Variants in GALNT18 observed in about 807,000 individuals in gnomAD.
The protein encoded by GALNT18 is GalNAc-transferase 18.
GALNT18 carries 44 observed loss-of-function variants against 69.5 expected under a neutral mutation model. That is an observed-to-expected ratio of 0.63 (90% CI 0.50 to 0.81). GALNT18 has a LOEUF of 0.81. Ranked by LOEUF, GALNT18 falls within the 40% of genes least tolerant of loss-of-function variation. The pLI is 0.00. For synonymous variants in GALNT18, 364 were observed against 318.2 expected (o/e 1.14, Z -1.53); for missense variants, 715 against 810.0 (o/e 0.88, Z 1.42).
At chr11:11,405,138 C>A (rs142910944) in intron 3 of GALNT18, among the ~76,000 whole-genome samples, 67 of 152,288 alleles carry the variant, frequency 4.4e-4, no homozygotes, top group Non-Finnish European at 8.8e-4. Context: ...ATGGCCTCCA[C>A]TCTTATTTCT....
intron 3 of GALNT18, among the ~76,000 whole-genome samples, chr11:11,423,872 A>G (rs1028989159): frequency 1.2e-4 from 18 of 152,342 alleles, no homozygotes; most frequent in Middle Eastern, 3.4e-3. Flanking sequence ...CCACCATCAT[A>G]TGGCACTGAT....
chr11:11,473,669 CA>C (rs755869589), intron 1 of GALNT18, among the ~76,000 whole-genome samples: 4 of 73,202 alleles, frequency 5.5e-5, no homozygotes, highest in South Asian at 1.1e-3. Flanking sequence ...TGTATGCACA[CA>C]GGGGGAGAGA....
rs1410706225 is a variant in GALNT18 at position 11,606,945 on chromosome 11, GA to G, written c.235+14413del. Among the ~76,000 whole-genome samples the G allele has an allele frequency of 6.6e-6, 1 of 152,206 alleles. No homozygotes were observed. The highest frequency in any genetic ancestry group is 1.5e-5 in the Non-Finnish European group (1 of 68,044). On this transcript the variant is annotated intron_variant, in intron 1 of 10. Coordinates refer to ENST00000227756, the MANE Select transcript of GALNT18 (RefSeq NM_198516.3). The surrounding 1 kb of genome is among the most constrained non-coding windows in gnomAD (Gnocchi z 5.4). ...GTTATTTGCAACTCTAACATGGTCT[GA>G]TTTTAACTAGAGAGCCTTCAGACAA...
At chr11:11,451,014 A>AT (rs376119546) in intron 1 of GALNT18, among the ~76,000 whole-genome samples, 63 of 152,260 alleles carry the variant, frequency 4.1e-4, no homozygotes, top group African/African-American at 1.5e-3. Flanking sequence ...TCGGTGACTG[A>AT]TTTTCCTTAA....
At position 11,378,963 on chromosome 11, in the gene GALNT18, T is replaced by G. The variant is rs545580454; in HGVS notation, c.779+118A>C. On this transcript the variant is annotated intron_variant, in intron 4 of 10. Transcript: ENST00000227756. ...ACTCACACACCTACATCTCACCTATTCCCAGAATTACCTCTTTTCCCTTAG... is the reference window on the plus strand; with the variant it reads ...ACTCACACACCTACATCTCACCTATGCCCAGAATTACCTCTTTTCCCTTAG... 4.1e-6 allele frequency: 4 copies of G among 968,096 alleles called. No homozygotes were observed. The East Asian group carries it at 8.1e-5, about 19-fold the overall frequency. The allele number at this position is 968,096 out of a possible 1,614,324, so 60.0% of individuals were successfully genotyped here.
Position 11,280,323 on chromosome 11 carries a change from A to C in GALNT18, c.1678-9033T>G, listed in dbSNP as rs150812154. 2.9e-3 allele frequency among the ~76,000 whole-genome samples: 443 copies of C among 152,244 alleles called. 3 individuals are homozygous for C. Among genetic ancestry groups the C allele is most frequent in the African/African-American group, 1.0e-2 (415 of 41,524 alleles). ...AAGGGCCCTGGAATCCCCATGCTGA[A>C]AGAGACCTTGAAGGCCAGCCTCTCG... On this transcript the variant is annotated intron_variant, in intron 10 of 10. Coordinates refer to ENST00000227756, the MANE Select transcript of GALNT18 (RefSeq NM_198516.3).
chr11:11,358,288 TATGA>T (rs1850572177), intron 6 of GALNT18, among the ~76,000 whole-genome samples: 1 of 140,880 alleles, frequency 7.1e-6, no homozygotes, highest in South Asian at 2.2e-4. Flanking sequence ...ATCTTCACTG[TATGA>T]ATGAATAGAC....
At chr11:11,571,693 A>G (rs1400622961) in intron 1 of GALNT18, among the ~76,000 whole-genome samples, 2 of 152,230 alleles carry the variant, frequency 1.3e-5, no homozygotes, top group African/African-American at 4.8e-5. Context: ...GGATGTTTCA[A>G]TCCTATTTAA....
chr11:11,416,389 C>T (rs79691014), intron 3 of GALNT18, among the ~76,000 whole-genome samples: 7 of 152,202 alleles, frequency 4.6e-5, no homozygotes, highest in Non-Finnish European at 1.0e-4. Flanking sequence ...CCTCCCGAGA[C>T]CAGGGTCGGG....
chr11:11,480,239 TCTTC>T lies in GALNT18; in HGVS notation c.236-31307_236-31304del, dbSNP rs996587755. 7.9e-5 allele frequency among the ~76,000 whole-genome samples: 12 copies of T among 152,194 alleles called. 2 individuals are homozygous for T. The highest frequency in any genetic ancestry group is 2.9e-4 in the African/African-American group (12 of 41,506). ...GTCAATCTTTCTTTATTTCTTTCTT[TCTTC>T]CTTCCTTCCTCTCTCTCTCTCTTTC... On this transcript the variant is annotated intron_variant, in intron 1 of 10. Coordinates refer to ENST00000227756, the MANE Select transcript of GALNT18 (RefSeq NM_198516.3). This position sits in a 1 kb window ranked among gnomAD's most constrained non-coding sequence, Gnocchi z 4.6.
At position 11,383,500 on chromosome 11, in the gene GALNT18, T is replaced by G. The variant is rs1232428986; in HGVS notation, c.596-4236A>C. Among the ~76,000 whole-genome samples, 1 of 152,200 alleles carries G rather than the reference T, an allele frequency of 6.6e-6. No homozygotes were observed. The stretch of plus-strand genomic sequence containing the variant: ...TGCACAGGCATTTTGTAAAACTGCC[T>G]TCCTATAGGCTTGCTGTGGAGAACC... On this transcript the variant is annotated intron_variant, in intron 3 of 10. Coordinates refer to ENST00000227756, the MANE Select transcript of GALNT18 (RefSeq NM_198516.3). This position sits in a 1 kb window ranked among gnomAD's most constrained non-coding sequence, Gnocchi z 5.2.
Position 11,582,171 on chromosome 11 carries a change from C to A in GALNT18, c.235+39188G>T, listed in dbSNP as rs1040244980. On this transcript the variant is annotated intron_variant, in intron 1 of 10. Coordinates refer to ENST00000227756, the MANE Select transcript of GALNT18 (RefSeq NM_198516.3). This position sits in a 1 kb window ranked among gnomAD's most constrained non-coding sequence, Gnocchi z 5.0. The stretch of plus-strand genomic sequence containing the variant: ...CTGAACAAAGTGAAGAGGGCATTCC[C>A]GAAAGAGGAAAGAGCAGGCAAAGGC... Among the ~76,000 whole-genome samples the A allele has an allele frequency of 5.9e-5, 9 of 151,934 alleles. No homozygotes were observed. Among genetic ancestry groups the A allele is most frequent in the Non-Finnish European group, 1.3e-4 (9 of 68,010 alleles).
At chr11:11,609,525 C>G (rs1182653265) in intron 1 of GALNT18, among the ~76,000 whole-genome samples, 2 of 152,182 alleles carry the variant, frequency 1.3e-5, no homozygotes, top group Non-Finnish European at 1.5e-5. Context: ...TGATACATCC[C>G]CAGCACAGGT....
intron 1 of GALNT18, among the ~76,000 whole-genome samples, chr11:11,578,125 G>A (rs1858971089): frequency 6.6e-6 from 1 of 152,160 alleles, no homozygotes. Flanking sequence ...CAGACACAGA[G>A]GAGACTGTGA....
chr11:11,418,932 T>G lies in GALNT18; in HGVS notation c.595+13689A>C, dbSNP rs1854927382. Among the ~76,000 whole-genome samples the G allele has an allele frequency of 3.3e-5, 5 of 152,264 alleles. No homozygotes were observed. In the South Asian group the frequency reaches 1.0e-3, roughly 32 times the overall value. ...GGGCTGCCTGCCCCAAACTGCCCAA[T>G]GCCCCTTAAGGGAAGCCCATTAGAG... On this transcript the variant is annotated intron_variant, in intron 3 of 10. Coordinates refer to ENST00000227756, the MANE Select transcript of GALNT18 (RefSeq NM_198516.3).
chr11:11,505,387 G>A lies in GALNT18; in HGVS notation c.236-56451C>T, dbSNP rs1857050519. On this transcript the variant is annotated intron_variant, in intron 1 of 10. Transcript: ENST00000227756. This position sits in a 1 kb window ranked among gnomAD's most constrained non-coding sequence, Gnocchi z 4.6. ...TCTTGAATCTCTATGAAGGATGGCAGGCAGATGGCATGCATACCAGCACTG... is the reference window on the plus strand; with the variant it reads ...TCTTGAATCTCTATGAAGGATGGCAAGCAGATGGCATGCATACCAGCACTG... 6.6e-6 allele frequency among the ~76,000 whole-genome samples: 1 copy of A among 152,160 alleles called. No individual in the cohort carries two copies. The highest frequency in any genetic ancestry group is 6.5e-5 in the Admixed American group (1 of 15,280).
Position 11,588,053 on chromosome 11 carries a change from T to C in GALNT18, c.235+33306A>G, listed in dbSNP as rs115120024. The stretch of plus-strand genomic sequence containing the variant: ...TCCCCAACTTTCTGCAGTTGAAATC[T>C]ACCCCATCTTTCAGTGCTCAGTTCA... On this transcript the variant is annotated intron_variant, in intron 1 of 10. Transcript: ENST00000227756. 4.3e-3 allele frequency among the ~76,000 whole-genome samples: 649 copies of C among 152,212 alleles called. 4 individuals carry two copies. Among genetic ancestry groups the C allele is most frequent in the African/African-American group, 0.015 (621 of 41,548 alleles).
intron 3 of GALNT18, among the ~76,000 whole-genome samples, chr11:11,409,393 GCA>G (rs1176583254): frequency 6.6e-6 from 1 of 152,150 alleles, no homozygotes; most frequent in East Asian, 1.9e-4. Context: ...TCTGCTCTCT[GCA>G]CAGTCTGGTC....
intron 9 of GALNT18, among the ~76,000 whole-genome samples, chr11:11,300,490 C>G (rs150750714): frequency 1.3e-5 from 2 of 152,146 alleles, no homozygotes; most frequent in Non-Finnish European, 2.9e-5. Flanking sequence ...GATATTTATC[C>G]ATATTTTTGT....
Sources: allele counts gnomAD v4.1 joint callset (sites outside exome capture counted in the v4.1 genomes callset), GRCh38; gene constraint gnomAD v4.1.1; non-coding constraint Gnocchi (gnomAD v3.1); transcripts MANE v1.5; gene names NCBI Gene and HGNC (gene_info 2026-07-23, HGNC 2026-07-21).